Variants in VPS13B observed in about 807,000 individuals in gnomAD.
VPS13B encodes the protein intermembrane lipid transfer protein VPS13B.
Under a neutral mutation model 426.4 loss-of-function variants are expected in VPS13B, and 285 were observed. The observed-to-expected ratio is 0.67, with a 90% CI of 0.61 to 0.74. The LOEUF (loss-of-function observed/expected upper bound fraction) is 0.74, where lower values mean the gene tolerates loss of function less well. Ranked by LOEUF, VPS13B falls within the 30% of genes least tolerant of loss-of-function variation. The pLI is 0.00. For missense variants in VPS13B, 4,537 were observed against 4,782.6 expected, an observed-to-expected ratio of 0.95 and a Z score of 1.51; for synonymous variants, 1,676 against 1,676.4, an observed-to-expected ratio of 1.00 and a Z score of 0.01.
At chr8:99,611,921 G>A (rs1318826764) in intron 33 of VPS13B, among the ~76,000 whole-genome samples, 2 of 152,004 alleles carry the variant, frequency 1.3e-5, no homozygotes, top group East Asian at 3.9e-4. Context: ...TGAAAATGAT[G>A]ACATTTATTG....
Position 99,650,222 on chromosome 8 carries a change from A to C in VPS13B, c.5908+7724A>C, listed in dbSNP as rs542924879. ...GCACAGATCAGCTACATATAGCCTA[A>C]TCAGTAATTACTGCTCCCAAGGAGT... On this transcript the variant is annotated intron_variant, in intron 34 of 61. Coordinates refer to ENST00000357162, the MANE Select transcript of VPS13B (RefSeq NM_152564.5). Among the ~76,000 whole-genome samples the C allele has an allele frequency of 3.3e-5, 5 of 152,296 alleles. No homozygotes were observed. The East Asian group carries it at 9.6e-4, about 29-fold the overall frequency.
chr8:99,441,551 G>A (rs1430519126), intron 22 of VPS13B, among the ~76,000 whole-genome samples: 1 of 152,052 alleles, frequency 6.6e-6, no homozygotes, highest in Non-Finnish European at 1.5e-5. Flanking sequence ...GGAGCAATTT[G>A]ATAATGAGAT....
rs959958680 is a variant in VPS13B, at chr8:99,524,714, G to A, written c.4745+3704G>A. On this transcript the variant is annotated intron_variant, in intron 30 of 61. Transcript: ENST00000357162. Reference sequence around the variant, plus strand: ...AATCTGAGATGGAAGAATCACTTGAGCACAGGAGGTTGAGGCTGTAGTGAG... The same window carrying A: ...AATCTGAGATGGAAGAATCACTTGAACACAGGAGGTTGAGGCTGTAGTGAG... Among the ~76,000 whole-genome samples the A allele has an allele frequency of 4.6e-5, 7 of 152,276 alleles. 2 individuals are homozygous for A. The highest frequency in any genetic ancestry group is 4.6e-4 in the Admixed American group (7 of 15,288).
At chr8:99,168,619 C>G (rs142930948) in intron 15 of VPS13B, among the ~76,000 whole-genome samples, 1 of 151,968 alleles carries the variant, frequency 6.6e-6, no homozygotes, top group Non-Finnish European at 1.5e-5. Flanking sequence ...TGTACAGAAA[C>G]CAACGCAGTA....
At chr8:99,377,036 G>A (rs747869265) in intron 19 of VPS13B, among the ~76,000 whole-genome samples, 1 of 152,008 alleles carries the variant, frequency 6.6e-6, no homozygotes, top group Non-Finnish European at 1.5e-5. Context: ...TGGCTGAGAA[G>A]TTGGTCATAA....
intron 16 of VPS13B, among the ~76,000 whole-genome samples, chr8:99,172,601 TCTGTTAATCAGTTTTGAAGGCC>T (rs1278086135): frequency 4.6e-5 from 7 of 152,174 alleles, no homozygotes; most frequent in Non-Finnish European, 8.8e-5. Context: ...TATATAATCT[TCTGTTAATCAGTTTTGAAGGCC>T]CTGTTAATCA....
chr8:99,862,546 A>G (rs1385048190), intron 58 of VPS13B, among the ~76,000 whole-genome samples: 1 of 152,240 alleles, frequency 6.6e-6, no homozygotes, highest in African/African-American at 2.4e-5. Context: ...AATTTATGAA[A>G]AGGAAGCTTC....
At chr8:99,676,682 T>C (rs1830947244) in intron 35 of VPS13B, among the ~76,000 whole-genome samples, 1 of 151,962 alleles carries the variant, frequency 6.6e-6, no homozygotes, top group African/African-American at 2.4e-5. Context: ...TTTCTTTAGC[T>C]CTTGTGAAGG....
chr8:99,870,819 C>A lies in VPS13B; in HGVS notation c.11427C>A (p.Pro3809=). The A allele has an allele frequency of 2.5e-6, 4 of 1,614,166 alleles. No individual in the cohort carries two copies. Among genetic ancestry groups the A allele is most frequent in the Non-Finnish European group, 3.4e-6 (4 of 1,180,024 alleles). ...ILHGAGLSQL[P]KQRHQPSDLH... Reference sequence around the variant, plus strand: ...ATGGAGCTGGACTTTCTCAGCTTCCCAAACAGCGCCATCAGCCAAGTGATC... The same window carrying A: ...ATGGAGCTGGACTTTCTCAGCTTCCAAAACAGCGCCATCAGCCAAGTGATC... Residue 3809 remains proline (P), a synonymous_variant, in exon 60 of 62, where the codon CCC becomes CCA. Transcript: ENST00000357162.
intron 24 of VPS13B, among the ~76,000 whole-genome samples, chr8:99,468,092 C>T (rs1002272279): frequency 1.3e-5 from 2 of 152,108 alleles, no homozygotes; most frequent in African/African-American, 2.4e-5. Context: ...TGTTGGCGTG[C>T]TGCACCCGTT....
At chr8:99,697,653 G>C (rs900489525) in intron 35 of VPS13B, 2 of 652,720 alleles carry the variant, frequency 3.1e-6, no homozygotes, top group Non-Finnish European at 5.7e-6. Context: ...ACTGACAGAG[G>C]GTGCAGCAGA....
intron 21 of VPS13B, among the ~76,000 whole-genome samples, chr8:99,393,298 A>T (rs1010210270): frequency 1.8e-4 from 28 of 152,244 alleles, no homozygotes; most frequent in African/African-American, 6.7e-4. Flanking sequence ...CATAAATGAT[A>T]TCAGTTGATC....
rs1046503273 is a variant in VPS13B, at chr8:99,274,080, C to G, written c.2516-118C>G. 9 of 1,390,634 alleles carry G rather than the reference C, an allele frequency of 6.5e-6. No individual in the cohort carries two copies. The East Asian group carries it at 1.4e-4, about 22-fold the overall frequency. The allele number at this position is 1,390,634 out of a possible 1,614,324, so 86.1% of individuals were successfully genotyped here. ...TAAACTATGAAACCTAACACAAATACTGTAAGAACATCTGAGGTAGACAGT... is the reference window on the plus strand; with the variant it reads ...TAAACTATGAAACCTAACACAAATAGTGTAAGAACATCTGAGGTAGACAGT... On this transcript the variant is annotated intron_variant, in intron 17 of 61. Coordinates refer to ENST00000357162, the MANE Select transcript of VPS13B (RefSeq NM_152564.5).
At chr8:99,414,546 G>C (rs551342993) in intron 21 of VPS13B, among the ~76,000 whole-genome samples, 1 of 152,294 alleles carries the variant, frequency 6.6e-6, no homozygotes, top group South Asian at 2.1e-4. Flanking sequence ...TGTTTTTGCA[G>C]TGGCTGGTAC....
chr8:99,343,304 G>A (rs1205418384), intron 19 of VPS13B, among the ~76,000 whole-genome samples: 1 of 151,728 alleles, frequency 6.6e-6, no homozygotes, highest in East Asian at 1.9e-4. Flanking sequence ...ATGTTGGCCA[G>A]GATGGTCTCA....
chr8:99,258,973 C>T (rs1341586354), intron 17 of VPS13B, among the ~76,000 whole-genome samples: 7 of 151,810 alleles, frequency 4.6e-5, no homozygotes, highest in African/African-American at 1.7e-4. Flanking sequence ...ATGAACTGAA[C>T]TTTTCTAATC....
chr8:99,615,930 A>G lies in VPS13B; in HGVS notation c.5221-25881A>G, dbSNP rs1411501276. Among the ~76,000 whole-genome samples the G allele has an allele frequency of 3.3e-5, 5 of 152,200 alleles. 1 individual carries two copies. The stretch of plus-strand genomic sequence containing the variant: ...TATATATGTATATTATAGGCAATAT[A>G]TACATAGACATAAATATATATATGT... On this transcript the variant is annotated intron_variant, in intron 33 of 61. Coordinates refer to ENST00000357162, the MANE Select transcript of VPS13B (RefSeq NM_152564.5).
In VPS13B at chr8:99,139,673, G is replaced by A. The variant is rs1052951509; in HGVS notation, c.1651+2921G>A. Among the ~76,000 whole-genome samples the A allele has an allele frequency of 5.3e-5, 8 of 151,712 alleles. No individual in the cohort carries two copies. In the South Asian group the frequency reaches 1.0e-3, roughly 20 times the overall value. Reference sequence around the variant, plus strand: ...AGGATGGTCTCGATCTCCTGACCTCGTGATCCACCCGCTTCAGCCTCCCAA... The same window carrying A: ...AGGATGGTCTCGATCTCCTGACCTCATGATCCACCCGCTTCAGCCTCCCAA... On this transcript the variant is annotated intron_variant, in intron 12 of 61. Transcript: ENST00000357162.
At chr8:99,835,805 G>A (rs1815363149) in intron 54 of VPS13B, 67 bp downstream of exon 54, 2 of 1,515,410 alleles carry the variant, frequency 1.3e-6, no homozygotes, top group East Asian at 2.3e-5. Context: ...TTTGTCAGTT[G>A]CCTATTTTTA....
Sources: allele counts gnomAD v4.1 joint callset (sites outside exome capture counted in the v4.1 genomes callset), GRCh38; gene constraint gnomAD v4.1.1; transcripts MANE v1.5; gene names NCBI Gene and HGNC (gene_info 2026-07-23, HGNC 2026-07-21).